The following GNA12 variants were observed in gnomAD, a reference collection of about 807,000 sequenced individuals.
The protein encoded by GNA12 is G protein subunit alpha 12, also known as guanine nucleotide-binding protein subunit alpha-12.
A neutral mutation model predicts 26.0 loss-of-function variants in GNA12; 9 were observed. The ratio of observed to expected loss-of-function variants is 0.35; its 90% confidence interval spans 0.21 to 0.60. GNA12 has a LOEUF of 0.60. Among genes scored for constraint, GNA12 ranks in the 20% least tolerant of loss-of-function variants. GNA12 has a pLI of 0.78. For missense variants in GNA12, 405 were observed against 525.8 expected (o/e 0.77, Z 2.25); for synonymous variants, 264 against 219.6 (o/e 1.20, Z -1.79).
At chr7:2,756,861 C>G (rs1406049919) in intron 2 of GNA12, among the ~76,000 whole-genome samples, 1 of 152,018 alleles carries the variant, frequency 6.6e-6, no homozygotes, top group Non-Finnish European at 1.5e-5. Context: ...TCCCTTGAGC[C>G]CAGGCCATTT....
intron 1 of GNA12, among the ~76,000 whole-genome samples, chr7:2,838,709 AAT>A (rs1760837521): frequency 6.6e-6 from 1 of 152,234 alleles, no homozygotes; most frequent in Non-Finnish European, 1.5e-5. Context: ...AGAATGGAGA[AAT>A]ATATATTATG....
chr7:2,821,659 G>A (rs570959157), intron 1 of GNA12, among the ~76,000 whole-genome samples: 110 of 152,176 alleles, frequency 7.2e-4, no homozygotes, highest in Non-Finnish European at 1.4e-3. Context: ...CCTGCTCCTC[G>A]TTTTCCTCCA....
intron 1 of GNA12, 96 bp from the exon 2 acceptor site, chr7:2,795,239 G>C: frequency 1.1e-6 from 1 of 874,332 alleles, no homozygotes; most frequent in Non-Finnish European, 1.9e-6. Flanking sequence ...TCATAACGCA[G>C]AAAACTCACA....
At chr7:2,780,868 G>A (rs1056534157) in intron 2 of GNA12, among the ~76,000 whole-genome samples, 2 of 152,082 alleles carry the variant, frequency 1.3e-5, no homozygotes, top group African/African-American at 2.4e-5. Context: ...TTCATACCTA[G>A]GATTGGGATT....
chr7:2,829,990 C>G (rs186458246), intron 1 of GNA12, among the ~76,000 whole-genome samples: 196 of 152,298 alleles, frequency 1.3e-3, no homozygotes, highest in African/African-American at 4.5e-3. Flanking sequence ...TCCCAACCTC[C>G]AGTGGACTCC....
At chr7:2,842,239 C>T (rs1048013129) in intron 1 of GNA12, among the ~76,000 whole-genome samples, 9 of 152,108 alleles carry the variant, frequency 5.9e-5, no homozygotes, top group Non-Finnish European at 1.3e-4. Flanking sequence ...CAGTTTCCTC[C>T]AGATCTTCCT....
intron 1 of GNA12, chr7:2,835,767 C>T (rs541303132): frequency 9.3e-6 from 7 of 751,464 alleles, no homozygotes; most frequent in African/African-American, 5.2e-5. Context: ...AACTCCAAAA[C>T]GTAGAAGATG....
chr7:2,756,718 C>T (rs773839173), intron 2 of GNA12, among the ~76,000 whole-genome samples: 2 of 152,212 alleles, frequency 1.3e-5, no homozygotes, highest in South Asian at 4.2e-4. Context: ...ACAGACGCCC[C>T]TGTCTTTCCC....
chr7:2,746,420 T>C (rs1278425119), intron 2 of GNA12, among the ~76,000 whole-genome samples: 2 of 151,996 alleles, frequency 1.3e-5, no homozygotes, highest in African/African-American at 4.8e-5. Context: ...AAATGACTAC[T>C]GGGTACATAA....
At chr7:2,741,000 G>C (rs1039754676) in intron 2 of GNA12, among the ~76,000 whole-genome samples, 1 of 152,178 alleles carries the variant, frequency 6.6e-6, no homozygotes, top group Admixed American at 6.5e-5. Context: ...AGCTGAGATC[G>C]GGCCACTGCA....
intron 2 of GNA12, among the ~76,000 whole-genome samples, chr7:2,747,242 C>T (rs1790811506): frequency 6.6e-6 from 1 of 152,200 alleles, no homozygotes; most frequent in Non-Finnish European, 1.5e-5. Context: ...GACCAATATC[C>T]TTGATGAACA....
At chr7:2,750,086 A>G (rs1790955929) in intron 2 of GNA12, among the ~76,000 whole-genome samples, 1 of 152,240 alleles carries the variant, frequency 6.6e-6, no homozygotes, top group Admixed American at 6.5e-5. Flanking sequence ...AGAAACTCAT[A>G]GCAAGGATGC....
intron 2 of GNA12, among the ~76,000 whole-genome samples, chr7:2,781,376 T>A (rs764149061): frequency 2.0e-5 from 3 of 151,554 alleles, no homozygotes; most frequent in Non-Finnish European, 4.4e-5. Flanking sequence ...GTTTTGCCTT[T>A]CAAATTTGGT....
At chr7:2,744,924 G>A (rs895570507) in intron 2 of GNA12, among the ~76,000 whole-genome samples, 1 of 152,100 alleles carries the variant, frequency 6.6e-6, no homozygotes, top group South Asian at 2.1e-4. Flanking sequence ...TATAAGTGAT[G>A]GAAGACAAAA....
intron 1 of GNA12, among the ~76,000 whole-genome samples, chr7:2,822,701 A>C (rs1206372339): frequency 6.6e-6 from 1 of 152,216 alleles, no homozygotes; most frequent in African/African-American, 2.4e-5. Context: ...GGTCCCAGCT[A>C]CACAGGAGGC....
chr7:2,765,305 G>A (rs976482428), intron 2 of GNA12, among the ~76,000 whole-genome samples: 3 of 151,892 alleles, frequency 2.0e-5, no homozygotes, highest in Non-Finnish European at 4.4e-5. Flanking sequence ...CCGCCACTGC[G>A]CCCGCCTAAT....
intron 1 of GNA12, among the ~76,000 whole-genome samples, chr7:2,819,244 A>T (rs1477963425): frequency 3.3e-5 from 5 of 152,084 alleles, no homozygotes; most frequent in African/African-American, 1.2e-4. Flanking sequence ...AGCTGCAAGG[A>T]CCTGAACCCT....
intron 2 of GNA12, among the ~76,000 whole-genome samples, chr7:2,746,702 A>G (rs1473159259): frequency 6.6e-6 from 1 of 152,044 alleles, no homozygotes; most frequent in African/African-American, 2.4e-5. Context: ...GACACAAAAA[A>G]CCCTTCAAAA....
intron 2 of GNA12, among the ~76,000 whole-genome samples, chr7:2,747,047 A>G (rs186316548): frequency 6.6e-6 from 1 of 152,206 alleles, no homozygotes; most frequent in African/African-American, 2.4e-5. Context: ...AACCAAAAAA[A>G]GTCCAGGAGC....
Sources: allele counts gnomAD v4.1 joint callset (sites outside exome capture counted in the v4.1 genomes callset), GRCh38; gene constraint gnomAD v4.1.1; transcripts MANE v1.5; gene names NCBI Gene and HGNC (gene_info 2026-07-23, HGNC 2026-07-21).